NTRK3: variants seen among roughly 807,000 people sequenced by gnomAD.
NTRK3 encodes NT-3 growth factor receptor.
NTRK3 carries 24 observed loss-of-function variants against 91.7 expected under a neutral mutation model. The ratio of observed to expected loss-of-function variants is 0.26; its 90% CI spans 0.19 to 0.37. NTRK3 has a LOEUF of 0.37. Among genes scored for constraint, NTRK3 ranks in the 10% least tolerant of loss-of-function variants. The pLI, the probability that NTRK3 is intolerant of heterozygous loss-of-function variation, is 1.00. For synonymous variants in NTRK3, 483 were observed against 404.0 expected, an observed-to-expected ratio of 1.20 and a Z score of -2.34; for missense variants, 880 against 1,068.9, an observed-to-expected ratio of 0.82 and a Z score of 2.46.
At chr15:88,137,649 C>A (rs970574634) in intron 6 of NTRK3, 88 bp from the exon 7 acceptor site, 17 of 1,373,824 alleles carry the variant, frequency 1.2e-5, no homozygotes, top group Admixed American at 1.1e-4. Flanking sequence ...GGGGACCCGA[C>A]CTGTTCAGGG....
Position 88,256,630 on chromosome 15 carries a change from A to C in NTRK3, c.-219+14T>G. 1.6e-5 allele frequency: 7 copies of C among 428,118 alleles called. No homozygotes were observed. Among genetic ancestry groups the C allele is most frequent in the Admixed American group, 4.3e-5 (1 of 23,404 alleles). The allele number at this position is 428,118 out of a possible 1,614,324, so 26.5% of individuals were successfully genotyped here. A position where few individuals can be genotyped will look rare whatever the true frequency, so the allele number is the denominator to read the frequency against. On this transcript the variant is annotated intron_variant, in intron 1 of 18. Coordinates refer to ENST00000394480, the Ensembl canonical transcript of NTRK3. ...CTGCAAAACACACACACTCACTCTC[A>C]CACATACACACACCCGGAGCCCGAG...
rs568030482 is a variant in NTRK3, at chr15:87,889,396, C to CTTTTT, written c.2134-8973_2134-8969dup. Among the ~76,000 whole-genome samples, 85 of 95,612 alleles carry CTTTTT rather than the reference C, an allele frequency of 8.9e-4. 1 individual carries two copies. Among genetic ancestry groups the CTTTTT allele is most frequent in the African/African-American group, 1.0e-3 (21 of 20,364 alleles). The allele number at this position is 95,612 out of a possible 152,430, so 62.7% of individuals were successfully genotyped here. A position where few individuals can be genotyped will look rare whatever the true frequency, so the allele number is the denominator to read the frequency against. ...ACCATGCTCGTTAGTTTATTAGTTC[C>CTTTTT]TTTTTTTTTTTTTTTTTTTTTTTTT... On this transcript the variant is annotated intron_variant, in intron 17 of 18. Coordinates refer to ENST00000394480, the Ensembl canonical transcript of NTRK3.
intron 13 of NTRK3, among the ~76,000 whole-genome samples, chr15:88,072,186 A>C (rs1174049766): frequency 1.3e-5 from 2 of 151,668 alleles, no homozygotes; most frequent in East Asian, 3.9e-4. Context: ...TTGTATTTTC[A>C]GTAGAGATGG....
chr15:87,936,635 T>C (rs1459817722), intron 15 of NTRK3, among the ~76,000 whole-genome samples: 2 of 151,940 alleles, frequency 1.3e-5, no homozygotes, highest in East Asian at 3.9e-4. Flanking sequence ...ATACACATGA[T>C]ATACACACAT....
chr15:87,873,128 C>G (rs1434440330), exon 19 of NTRK3: 1 of 232,154 alleles, frequency 4.3e-6, no homozygotes, highest in East Asian at 6.1e-5. Flanking sequence ...TATTTAGCAC[C>G]AAAATGACTT....
intron 17 of NTRK3, among the ~76,000 whole-genome samples, chr15:87,894,417 A>C (rs2066002033): frequency 6.6e-6 from 1 of 152,228 alleles, no homozygotes; most frequent in South Asian, 2.1e-4. Context: ...GAGGTGGTTT[A>C]GATGGACATG....
rs4034771 is a variant in NTRK3 at position 88,243,536 on chromosome 15, GCACACACACACA to G, written c.248+12358_248+12369del. Among the ~76,000 whole-genome samples, 2 of 145,878 alleles carry G rather than the reference GCACACACACACA, an allele frequency of 1.4e-5. No individual in the cohort carries two copies. The highest frequency in any genetic ancestry group is 1.5e-5 in the Non-Finnish European group (1 of 66,720). ...CACTTGATCCCATCCCCCATAGCAT[GCACACACACACA>G]CACACACACACACACACACACACAC... On this transcript the variant is annotated intron_variant, in intron 3 of 18. Coordinates refer to ENST00000394480, the Ensembl canonical transcript of NTRK3. This position sits in a 1 kb window ranked among gnomAD's most constrained non-coding sequence, Gnocchi z 4.8.
At position 88,041,824 on chromosome 15, in the gene NTRK3, TAA is replaced by T. The variant is rs35696268; in HGVS notation, c.1397-8781_1397-8780del. ...AGCAAGTCTCCGCAGAAGTCCCTCA[TAA>T]AAAAAAAAAAAAAAAAAAAAAAGGG... On this transcript the variant is annotated intron_variant, in intron 13 of 18. Coordinates refer to ENST00000394480, the Ensembl canonical transcript of NTRK3. Among the ~76,000 whole-genome samples the T allele has an allele frequency of 8.4e-3, 758 of 90,232 alleles. 6 individuals carry two copies. Among genetic ancestry groups the T allele is most frequent in the African/African-American group, 0.028 (663 of 23,774 alleles). The allele number at this position is 90,232 out of a possible 152,430, so 59.2% of individuals were successfully genotyped here. A position where few individuals can be genotyped will look rare whatever the true frequency, so the allele number is the denominator to read the frequency against.
intron 14 of NTRK3, among the ~76,000 whole-genome samples, chr15:87,985,541 C>T (rs1056750997): frequency 1.3e-5 from 2 of 152,054 alleles, no homozygotes; most frequent in African/African-American, 2.4e-5. Context: ...CAGTATGGGC[C>T]GCCTCTTCCT....
intron 3 of NTRK3, among the ~76,000 whole-genome samples, chr15:88,194,242 G>T (rs1453212821): frequency 1.3e-5 from 2 of 152,102 alleles, no homozygotes; most frequent in Non-Finnish European, 2.9e-5. Flanking sequence ...CTTAAATGTT[G>T]GAGTCTCCCA....
intron 13 of NTRK3, among the ~76,000 whole-genome samples, chr15:88,123,865 A>C (rs2053000549): frequency 6.6e-6 from 1 of 152,234 alleles, no homozygotes; most frequent in Admixed American, 6.5e-5. Flanking sequence ...GGTAGCAGGC[A>C]TCAGACAGAA....
intron 2 of NTRK3, 44 bp from the exon 3 acceptor site, chr15:88,256,212 G>C: frequency 1.9e-6 from 1 of 529,664 alleles, no homozygotes; most frequent in Non-Finnish European, 3.4e-6. Flanking sequence ...GGGGTGGGGG[G>C]AGTGGGGAGA....
exon 19 of NTRK3, chr15:87,872,422 G>A (rs924215388): frequency 4.4e-6 from 1 of 225,472 alleles, no homozygotes. Context: ...CAAACATCCC[G>A]GCCTCTTACA....
intron 5 of NTRK3, among the ~76,000 whole-genome samples, chr15:88,182,591 A>C (rs1296925731): frequency 2.6e-5 from 4 of 152,202 alleles, no homozygotes; most frequent in Admixed American, 6.5e-5. Flanking sequence ...CTTTGGGAAC[A>C]TGCCCAAAGG....
At chr15:88,031,697 C>T (rs759177762) in intron 14 of NTRK3, among the ~76,000 whole-genome samples, 5 of 152,154 alleles carry the variant, frequency 3.3e-5, no homozygotes, top group Non-Finnish European at 5.9e-5. Context: ...TGTGGCAATG[C>T]TCTCCTAAAA....
In NTRK3 at chr15:87,939,465, G is replaced by C. The variant is rs186098239; in HGVS notation, c.1716+1158C>G. Among the ~76,000 whole-genome samples the C allele has an allele frequency of 3.3e-5, 5 of 152,322 alleles. No homozygotes were observed. The East Asian group carries it at 7.7e-4, about 24-fold the overall frequency. On this transcript the variant is annotated intron_variant, in intron 15 of 18. Transcript: ENST00000394480. ...ACTGGGATTTGCACCCAGGCTCTTT[G>C]ATGCCCATGCTATGCCTGCACTGTA...
At chr15:87,865,314 TG>T (rs1303438816) in exon 19 of NTRK3, 1 of 209,930 alleles carries the variant, frequency 4.8e-6, no homozygotes, top group African/African-American at 2.3e-5. Context: ...CTTATAATAG[TG>T]GCTTGTCATC....
At chr15:88,174,401 C>G (rs908001435) in intron 5 of NTRK3, among the ~76,000 whole-genome samples, 1 of 152,184 alleles carries the variant, frequency 6.6e-6, no homozygotes. Context: ...TCCCCACCAG[C>G]CCCTCCCATA....
At chr15:87,935,669 C>A (rs780637412) in intron 15 of NTRK3, among the ~76,000 whole-genome samples, 1 of 152,186 alleles carries the variant, frequency 6.6e-6, no homozygotes, top group Non-Finnish European at 1.5e-5. Flanking sequence ...AAAAGTAGGT[C>A]AAATTTGGGG....
Sources: gnomAD v4.1 joint callset for allele counts (sites outside exome capture counted in the v4.1 genomes callset) on GRCh38, gnomAD v4.1.1 for gene constraint, Gnocchi (gnomAD v3.1) non-coding constraint, MANE v1.5 for transcripts, NCBI Gene and HGNC (gene_info 2026-07-23, HGNC 2026-07-21) for gene names.